The following DHX36 variants were observed in gnomAD, a reference collection of about 807,000 sequenced individuals.
The protein encoded by DHX36 is ATP-dependent DNA/RNA helicase DHX36.
A neutral mutation model predicts 139.0 loss-of-function variants in DHX36; 50 were observed. That is an observed-to-expected ratio of 0.36 (90% CI 0.29 to 0.46). The LOEUF (loss-of-function observed/expected upper bound fraction) is 0.46. DHX36 is among the 20% of genes least tolerant of loss of function. The pLI is 1.00. For missense variants in DHX36, 1,024 were observed against 1,211.3 expected (o/e 0.85, Z 2.29); for synonymous variants, 425 against 401.9 (o/e 1.06, Z -0.69).
Position 154,324,407 on chromosome 3 carries a change from CAT to C in DHX36, c.8_9del (p.Tyr3Ter), listed in dbSNP as rs1335241920. On this transcript the variant is annotated frameshift_variant, in exon 1 of 25. Coordinates refer to ENST00000496811, the MANE Select transcript of DHX36 (RefSeq NM_020865.3). LOFTEE classifies it high-confidence loss of function. ...TCACGGCCCCAGTTCTGATGGTAGTCATAACTCATTGTCCTGGCAGACTACAA... is the reference window on the plus strand; with the variant it reads ...TCACGGCCCCAGTTCTGATGGTAGTCAACTCATTGTCCTGGCAGACTACAA... MS[Y>X]DYHQNWGRDG... The C allele has an allele frequency of 6.5e-7, 1 of 1,536,600 alleles. No individual in the cohort carries two copies. Among genetic ancestry groups the C allele is most frequent in the Non-Finnish European group, 8.8e-7 (1 of 1,139,882 alleles).
At position 154,324,278 on chromosome 3, in the gene DHX36, G is replaced by C. The variant is rs754036337; in HGVS notation, c.139C>G (p.Arg47Gly). The C allele has an allele frequency of 6.2e-7, 1 of 1,613,004 alleles. No homozygotes were observed. The highest frequency in any genetic ancestry group is 1.7e-5 in the Admixed American group (1 of 59,904). ...CCGGGATGCCGGCCCCTGCCGCCTC[G>C]ACCACCCCCTCCGCCGCCGCCGCCT... ...GGGGGGGGGG[R>G]GGRGRHPGHL... The change falls in exon 1 of 25, where the codon CGA (arginine) becomes GGA (glycine). Residue 47 changes from arginine (R) to glycine (G), a missense_variant. Physicochemically the swap from Arg to Gly is moderately radical, Grantham distance 125. Coordinates refer to ENST00000496811, the MANE Select transcript of DHX36 (RefSeq NM_020865.3).
intron 24 of DHX36, 23 bp from the exon 25 acceptor site, chr3:154,276,379 T>C (rs1420969643): frequency 1.3e-6 from 2 of 1,593,876 alleles, no homozygotes; most frequent in East Asian, 2.2e-5. Flanking sequence ...AAATTATACA[T>C]GTTCAACAAA....
chr3:154,303,445 T>G, intron 8 of DHX36, 35 bp from the exon 9 acceptor site: 1 of 1,451,172 alleles, frequency 6.9e-7, no homozygotes, highest in Non-Finnish European at 9.5e-7. Flanking sequence ...CATAAATTTG[T>G]ACTCAAATGT....
At chr3:154,314,674 A>G (rs577243983) in intron 3 of DHX36, 46 of 159,766 alleles carry the variant, frequency 2.9e-4, no homozygotes, top group Admixed American at 2.8e-3. Context: ...TAATTTTATC[A>G]TCTATAAAAA....
At chr3:154,288,528 A>G (rs1306172285) in intron 17 of DHX36, among the ~76,000 whole-genome samples, 3 of 152,194 alleles carry the variant, frequency 2.0e-5, no homozygotes, top group African/African-American at 7.2e-5. Context: ...CCTTTGTGAT[A>G]AATCATTTAG....
chr3:154,294,690 G>A (rs1213186157), intron 13 of DHX36, among the ~76,000 whole-genome samples: 1 of 152,064 alleles, frequency 6.6e-6, no homozygotes, highest in East Asian at 1.9e-4. Flanking sequence ...CTTATAAAAA[G>A]AGAAAAGGAT....
rs1392464015 is a variant in DHX36 at position 154,284,964 on chromosome 3, T to C, written c.2055A>G (p.Glu685=). The part of the protein sequence containing the change: ...MELNALDKQE[E]LTPLGVHLAR... Reference sequence around the variant, plus strand: ...CCAAGTGGACTCCAAGAGGTGTCAATTCTTCTTGTTTATCCAAAGCGTTCT... The same window carrying C: ...CCAAGTGGACTCCAAGAGGTGTCAACTCTTCTTGTTTATCCAAAGCGTTCT... Residue 685 remains glutamate (E), a synonymous_variant, in exon 18 of 25, where the codon GAA becomes GAG. Transcript: ENST00000496811. 3 of 1,614,050 alleles carry C rather than the reference T, an allele frequency of 1.9e-6. No homozygotes were observed. The highest frequency in any genetic ancestry group is 1.7e-5 in the Admixed American group (1 of 60,006).
At position 154,282,824 on chromosome 3, in the gene DHX36, G is replaced by A. The variant is rs961278190; in HGVS notation, c.2376+364C>T. 2.6e-5 allele frequency among the ~76,000 whole-genome samples: 4 copies of A among 152,136 alleles called. 1 individual carries two copies. The highest frequency in any genetic ancestry group is 6.8e-3 in the Middle Eastern group (2 of 294). ...TTCTGTTTTACAAATGCTTGCCTGTGGTGTTTCACTATACTAAACCAGAAA... is the reference window on the plus strand; with the variant it reads ...TTCTGTTTTACAAATGCTTGCCTGTAGTGTTTCACTATACTAAACCAGAAA... On this transcript the variant is annotated intron_variant, in intron 20 of 24. Coordinates refer to ENST00000496811, the MANE Select transcript of DHX36 (RefSeq NM_020865.3).
At position 154,300,920 on chromosome 3, in the gene DHX36, C is replaced by A. The variant is rs187047263; in HGVS notation, c.1358+67G>T. On this transcript the variant is annotated intron_variant, in intron 10 of 24. Coordinates refer to ENST00000496811, the MANE Select transcript of DHX36 (RefSeq NM_020865.3). ...AAGTACGTACAGATTCAAGAAGATGCCCCCAGCCTCTGGCTTTTTGTTTTA... is the reference window on the plus strand; with the variant it reads ...AAGTACGTACAGATTCAAGAAGATGACCCCAGCCTCTGGCTTTTTGTTTTA... The A allele has an allele frequency of 4.5e-4, 708 of 1,582,032 alleles. 5 individuals carry two copies. The African/African-American group carries it at 8.9e-3, about 20-fold the overall frequency.
rs765913161 is a variant in DHX36 at position 154,276,237 on chromosome 3, G to A, written c.2961C>T (p.Ile987=). ...TGGGAGTTGCCTTTTCCTGTGTTTT[G>A]ATCAAGTCTATAATAGCTGACAGTA... ...CAVLSAIIDL[I]KTQEKATPRN... is the part of the protein sequence containing the mutation. Residue 987 remains isoleucine (I), a synonymous_variant, in exon 25 of 25, where the codon ATC becomes ATT. Transcript: ENST00000496811. 1.2e-6 allele frequency: 2 copies of A among 1,613,524 alleles called. No homozygotes were observed. The highest frequency in any genetic ancestry group is 2.7e-5 in the African/African-American group (2 of 74,956).
chr3:154,306,442 A>C (rs1163131746), intron 5 of DHX36, 147 bp from the exon 6 acceptor site: 5 of 657,242 alleles, frequency 7.6e-6, no homozygotes, highest in Non-Finnish European at 1.3e-5. Context: ...GAGGTATCTA[A>C]AACAGTGTGT....
At chr3:154,279,060 C>T (rs1013952214) in intron 22 of DHX36, 7 of 152,270 alleles carry the variant, frequency 4.6e-5, no homozygotes, top group African/African-American at 1.4e-4. Flanking sequence ...TCACTGCAAC[C>T]TCCACCTCCT....
intron 11 of DHX36, 22 bp from the exon 12 acceptor site, chr3:154,299,947 A>G (rs1576870000): frequency 6.5e-7 from 1 of 1,533,210 alleles, no homozygotes; most frequent in East Asian, 2.3e-5. Context: ...GGAAATAACC[A>G]TTACAAAGGA....
intron 8 of DHX36, among the ~76,000 whole-genome samples, chr3:154,304,572 CTTAA>C (rs1250151678): frequency 1.3e-5 from 2 of 152,146 alleles, no homozygotes; most frequent in African/African-American, 4.8e-5. Flanking sequence ...ATGATGCCAT[CTTAA>C]TTGTGTGGTG....
At chr3:154,312,500 T>C (rs1576879842) in intron 3 of DHX36, among the ~76,000 whole-genome samples, 1 of 151,834 alleles carries the variant, frequency 6.6e-6, no homozygotes, top group South Asian at 2.1e-4. Context: ...AAAAAAAAAC[T>C]TCAGTGGCAT....
chr3:154,290,411 G>A (rs989234485), intron 15 of DHX36, among the ~76,000 whole-genome samples: 8 of 151,908 alleles, frequency 5.3e-5, no homozygotes, highest in African/African-American at 1.9e-4. Flanking sequence ...CGAGGTGGGT[G>A]TATCACCTAA....
chr3:154,317,722 GT>G (rs1347590155), intron 1 of DHX36, among the ~76,000 whole-genome samples: 1 of 152,088 alleles, frequency 6.6e-6, no homozygotes, highest in Non-Finnish European at 1.5e-5. Flanking sequence ...TTGAGGTTTG[GT>G]TTTGATTTTT....
chr3:154,308,273 GA>G (rs1424958910), intron 5 of DHX36, among the ~76,000 whole-genome samples: 8 of 152,106 alleles, frequency 5.3e-5, no homozygotes, highest in Middle Eastern at 3.2e-3. Context: ...GTACTTCTTA[GA>G]AACCAAAGCT....
intron 5 of DHX36, among the ~76,000 whole-genome samples, chr3:154,307,598 T>A (rs1248713399): frequency 6.6e-6 from 1 of 152,038 alleles, no homozygotes; most frequent in Non-Finnish European, 1.5e-5. Flanking sequence ...TGGCTACTAT[T>A]AAAGAGTCAA....
Sources: gnomAD v4.1 joint callset for allele counts (sites outside exome capture counted in the v4.1 genomes callset) on GRCh38, gnomAD v4.1.1 for gene constraint, MANE v1.5 for transcripts, NCBI Gene and HGNC (gene_info 2026-07-23, HGNC 2026-07-21) for gene names.